Variants in DNAI4 observed in about 807,000 individuals in gnomAD.
DNAI4 encodes WD repeat domain 78.
A neutral mutation model predicts 105.8 loss-of-function variants in DNAI4; 85 were observed. The observed-to-expected ratio is 0.80, with a 90% confidence interval of 0.67 to 0.96. The LOEUF (loss-of-function observed/expected upper bound fraction) is 0.96, where lower values mean the gene tolerates loss of function less well. Among genes scored for constraint, DNAI4 ranks in the 40% least tolerant of loss-of-function variants. DNAI4 has a pLI of 0.00. For synonymous variants in DNAI4, 352 were observed against 331.5 expected, an observed-to-expected ratio of 1.06 and a Z score of -0.67; for missense variants, 1,014 against 1,005.6, an observed-to-expected ratio of 1.01 and a Z score of -0.11.
intron 4 of DNAI4, among the ~76,000 whole-genome samples, chr1:66,881,973 A>C (rs1280877654): frequency 1.3e-5 from 2 of 152,174 alleles, no homozygotes; most frequent in African/African-American, 4.8e-5. Flanking sequence ...TGGTTTTAAA[A>C]ATGGGAGTTT....
intron 1 of DNAI4, among the ~76,000 whole-genome samples, chr1:66,922,744 G>T (rs1005636696): frequency 6.6e-6 from 1 of 152,188 alleles, no homozygotes; most frequent in African/African-American, 2.4e-5. Flanking sequence ...CTGAGTAAGT[G>T]AAAGAGTGGA....
chr1:66,825,385 G>T (rs1457573384), intron 15 of DNAI4, among the ~76,000 whole-genome samples: 1 of 151,604 alleles, frequency 6.6e-6, no homozygotes, highest in Admixed American at 6.6e-5. Context: ...GTTTCACCTT[G>T]TTAGCCAGGA....
intron 4 of DNAI4, among the ~76,000 whole-genome samples, chr1:66,888,820 G>A (rs988052869): frequency 6.6e-6 from 1 of 152,206 alleles, no homozygotes; most frequent in Non-Finnish European, 1.5e-5. Context: ...TTTTGATGTA[G>A]ATAAGCAAAG....
chr1:66,835,514 A>G, intron 11 of DNAI4, 112 bp downstream of exon 11: 1 of 1,108,046 alleles, frequency 9.0e-7, no homozygotes, highest in East Asian at 2.4e-5. Context: ...TTCAAAAATA[A>G]TGGTATCACT....
chr1:66,902,892 T>C (rs747496633), intron 2 of DNAI4, among the ~76,000 whole-genome samples: 1 of 152,240 alleles, frequency 6.6e-6, no homozygotes, highest in Non-Finnish European at 1.5e-5. Flanking sequence ...ATTCCATTGG[T>C]CTATACCGTA....
chr1:66,831,621 C>T (rs1394496726), intron 13 of DNAI4, among the ~76,000 whole-genome samples: 1 of 152,090 alleles, frequency 6.6e-6, no homozygotes, highest in Non-Finnish European at 1.5e-5. Flanking sequence ...ATGGAACTCC[C>T]TCAATCTGAT....
intron 6 of DNAI4, among the ~76,000 whole-genome samples, chr1:66,863,755 G>T (rs1646676029): frequency 6.6e-6 from 1 of 152,076 alleles, no homozygotes; most frequent in African/African-American, 2.4e-5. Context: ...ACCATGCCTG[G>T]CCTCAATGGT....
At chr1:66,819,519 T>A (rs79331989) in intron 16 of DNAI4, among the ~76,000 whole-genome samples, 211 of 152,222 alleles carry the variant, frequency 1.4e-3, no homozygotes, top group African/African-American at 5.0e-3. Context: ...ATTCAGATAG[T>A]CATTCAGTAT....
intron 15 of DNAI4, 50 bp downstream of exon 15, chr1:66,826,766 CACTT>C: frequency 6.6e-7 from 1 of 1,514,300 alleles, no homozygotes; most frequent in South Asian, 1.2e-5. Flanking sequence ...TATCAGGTAT[CACTT>C]AGTTTGAACT....
chr1:66,857,005 ATCATTAG>A (rs1185247991), intron 7 of DNAI4, among the ~76,000 whole-genome samples: 22 of 152,206 alleles, frequency 1.4e-4, no homozygotes, highest in African/African-American at 5.3e-4. Context: ...AAAACAAAAC[ATCATTAG>A]AGAAAATTAA....
Position 66,823,735 on chromosome 1 carries a change from C to T in DNAI4, c.2340-1218G>A, listed in dbSNP as rs1330696078. The stretch of plus-strand genomic sequence containing the variant: ...TTGAGAAGTGTCTGTTCATGTCCTT[C>T]GCCCACTTTTTGATGGGGTTGTTTG... On this transcript the variant is annotated intron_variant, in intron 15 of 16. Transcript: ENST00000371026. Among the ~76,000 whole-genome samples, 926 of 146,742 alleles carry T rather than the reference C, an allele frequency of 6.3e-3. 19 individuals are homozygous for T. The highest frequency in any genetic ancestry group is 0.022 in the African/African-American group (875 of 39,362).
At chr1:66,862,062 A>G in intron 7 of DNAI4, 85 bp downstream of exon 7, 1 of 1,330,344 alleles carries the variant, frequency 7.5e-7, no homozygotes, top group Admixed American at 2.7e-5. Context: ...CATTAGAAAG[A>G]AAACATTGTT....
chr1:66,871,425 A>G lies in DNAI4; in HGVS notation c.885T>C (p.Asn295=). 1 of 1,612,296 alleles carries G rather than the reference A, an allele frequency of 6.2e-7. No homozygotes were observed. The highest frequency in any genetic ancestry group is 8.5e-7 in the Non-Finnish European group (1 of 1,178,932). Reference sequence around the variant, plus strand: ...GAACATCTTTATTCTTTGGTGCTCCATTGAAAGTCTGCATCATCCTTTCAA... The same window carrying G: ...GAACATCTTTATTCTTTGGTGCTCCGTTGAAAGTCTGCATCATCCTTTCAA... ...LYVERMMQTF[N]GAPKNKDVQC... The change falls in exon 6 of 17, where the codon AAT becomes AAC. Residue 295 remains asparagine (N), a synonymous_variant. Coordinates refer to ENST00000371026, the MANE Select transcript of DNAI4 (RefSeq NM_024763.5).
intron 8 of DNAI4, among the ~76,000 whole-genome samples, chr1:66,844,431 C>T (rs992694968): frequency 6.6e-6 from 1 of 151,868 alleles, no homozygotes; most frequent in African/African-American, 2.4e-5. Context: ...GTAGTAGTGG[C>T]GTGCACCTAT....
intron 1 of DNAI4, among the ~76,000 whole-genome samples, chr1:66,917,518 G>A (rs1170122138): frequency 6.6e-6 from 1 of 152,196 alleles, no homozygotes; most frequent in Non-Finnish European, 1.5e-5. Flanking sequence ...TGACTATCAA[G>A]CAGAACAGGA....
intron 6 of DNAI4, among the ~76,000 whole-genome samples, chr1:66,867,831 CA>C (rs1416551337): frequency 6.6e-6 from 1 of 152,028 alleles, no homozygotes; most frequent in East Asian, 1.9e-4. Flanking sequence ...TTGGAACTGC[CA>C]AAACAAACTT....
intron 1 of DNAI4, among the ~76,000 whole-genome samples, chr1:66,911,559 A>G (rs1649658331): frequency 6.6e-6 from 1 of 152,216 alleles, no homozygotes; most frequent in South Asian, 2.1e-4. Context: ...AGAAGGTACT[A>G]GTCATGGTCA....
intron 7 of DNAI4, among the ~76,000 whole-genome samples, chr1:66,860,060 G>C (rs749192643): frequency 2.2e-4 from 33 of 149,860 alleles, no homozygotes; most frequent in Non-Finnish European, 4.1e-4. Flanking sequence ...GGGCCACTGT[G>C]CACAGAAAGT....
chr1:66,846,689 G>A (rs1403042624), intron 8 of DNAI4, among the ~76,000 whole-genome samples: 1 of 152,158 alleles, frequency 6.6e-6, no homozygotes, highest in Non-Finnish European at 1.5e-5. Flanking sequence ...AAGGTTTTTT[G>A]AGTGGTTTAG....
Sources: allele counts gnomAD v4.1 joint callset (sites outside exome capture counted in the v4.1 genomes callset), GRCh38; gene constraint gnomAD v4.1.1; transcripts MANE v1.5; gene names NCBI Gene and HGNC (gene_info 2026-07-23, HGNC 2026-07-21).